The following NEIL3 variants were observed in gnomAD, a reference collection of about 807,000 sequenced individuals.
NEIL3 encodes the protein nei like DNA glycosylase 3.
In NEIL3, 48 loss-of-function variants were observed where a neutral mutation model predicts 57.5. The observed-to-expected ratio is 0.83, with a 90% CI of 0.66 to 1.06. NEIL3 has a LOEUF of 1.06. Ranked by LOEUF, NEIL3 falls within the 50% of genes least tolerant of loss-of-function variation. The probability of loss-of-function intolerance (pLI) is 0.00; values close to 1 mark genes in which losing one functional copy is unlikely to be tolerated. For synonymous variants in NEIL3, 261 were observed against 253.2 expected (o/e 1.03, Z -0.29); for missense variants, 717 against 739.1 (o/e 0.97, Z 0.35).
chr4:177,369,980 C>G, the NEIL3 span, among the ~76,000 whole-genome samples: 1 of 152,150 alleles, frequency 6.6e-6, no homozygotes, highest in Non-Finnish European at 1.5e-5. Flanking sequence ...GAGGAAATAA[C>G]AATGGCGATA....
intron 5 of NEIL3, among the ~76,000 whole-genome samples, chr4:177,340,746 G>A (rs1735074950): frequency 6.6e-6 from 1 of 152,106 alleles, no homozygotes; most frequent in Non-Finnish European, 1.5e-5. Context: ...CATACGTGGT[G>A]AGCCATATTT....
intron 1 of NEIL3, among the ~76,000 whole-genome samples, chr4:177,317,633 TTGC>T (rs1296434122): frequency 7.5e-6 from 1 of 133,206 alleles, no homozygotes; most frequent in East Asian, 2.1e-4. Flanking sequence ...AGATGGAGTC[TTGC>T]TCTGTCACCC....
downstream of NEIL3, among the ~76,000 whole-genome samples, chr4:177,363,670 C>T (rs36071608): frequency 0.01 from 1,552 of 152,238 alleles, 29 homozygotes; most frequent in African/African-American, 0.036. Context: ...GTTAATTACA[C>T]GGAAATGTAA....
rs557688469 is a variant in NEIL3 at position 177,361,164 on chromosome 4, T to G, written c.1635+487T>G. Among the ~76,000 whole-genome samples the G allele has an allele frequency of 9.2e-5, 14 of 152,294 alleles. No individual in the cohort carries two copies. In the South Asian group the frequency reaches 2.9e-3, roughly 32 times the overall value. On this transcript the variant is annotated intron_variant, in intron 9 of 9. Transcript: ENST00000264596. ...TTGACCCAAAAAAGTGATGGCACCATAGCAATTTAGCTATAGGCGATTCCT... is the reference window on the plus strand; with the variant it reads ...TTGACCCAAAAAAGTGATGGCACCAGAGCAATTTAGCTATAGGCGATTCCT...
chr4:177,319,355 G>A (rs1315097541), intron 1 of NEIL3, among the ~76,000 whole-genome samples: 1 of 152,204 alleles, frequency 6.6e-6, no homozygotes, highest in East Asian at 1.9e-4. Flanking sequence ...CCAGTCAGGT[G>A]CACTGAGAAG....
At chr4:177,326,612 G>A (rs1371128468) in intron 2 of NEIL3, among the ~76,000 whole-genome samples, 1 of 150,688 alleles carries the variant, frequency 6.6e-6, no homozygotes, top group Non-Finnish European at 1.5e-5. Flanking sequence ...CATTTTGATT[G>A]GCCTTGTGTT....
intron 9 of NEIL3, 76 bp downstream of exon 9, chr4:177,360,753 C>G (rs1735592672): frequency 6.9e-6 from 8 of 1,160,860 alleles, no homozygotes; most frequent in South Asian, 2.0e-5. Context: ...AATAGCAATA[C>G]TTTCCTAGTT....
chr4:177,335,300 T>G (rs1560913258), intron 2 of NEIL3, among the ~76,000 whole-genome samples: 1 of 152,200 alleles, frequency 6.6e-6, no homozygotes, highest in Non-Finnish European at 1.5e-5. Flanking sequence ...CAACTTAAAC[T>G]TAGCCTTATC....
In NEIL3 at chr4:177,362,641, C is replaced by T. The variant is rs543073172; in HGVS notation, c.*170C>T. The T allele has an allele frequency of 3.5e-4, 180 of 521,152 alleles. 3 individuals are homozygous for T. The South Asian group carries it at 5.3e-3, about 15-fold the overall frequency. 32.3% of individuals were successfully genotyped at this position (521,152 alleles called of 1,614,324 possible). A position where few individuals can be genotyped will look rare whatever the true frequency, so the allele number is the denominator to read the frequency against. ...TGTGCCATCTTTCCATTGTTGGCTA[C>T]GTCTTTTCTTTTGCCTTGATGAACG... is the stretch of plus-strand genomic sequence containing the variant. On this transcript the variant is annotated 3_prime_UTR_variant, in exon 10 of 10. Coordinates refer to ENST00000264596, the MANE Select transcript of NEIL3 (RefSeq NM_018248.3).
Position 177,320,570 on chromosome 4 carries a change from A to C in NEIL3, c.157-1889A>C, listed in dbSNP as rs140935316. 9.0e-4 allele frequency among the ~76,000 whole-genome samples: 123 copies of C among 136,590 alleles called. 1 individual carries two copies. Among genetic ancestry groups the C allele is most frequent in the African/African-American group, 3.1e-3 (110 of 35,528 alleles). The allele number at this position is 136,590 out of a possible 152,430, so 89.6% of individuals were successfully genotyped here. A position where few individuals can be genotyped will look rare whatever the true frequency, so the allele number is the denominator to read the frequency against. On this transcript the variant is annotated intron_variant, in intron 1 of 9. Transcript: ENST00000264596. ...TCGGCTCACTGCAAGCTCCACCTCC[A>C]GGGTTCACGCCATTCTCCTGACTCA...
intron 8 of NEIL3, among the ~76,000 whole-genome samples, chr4:177,355,406 A>G (rs571440208): frequency 1.3e-5 from 2 of 152,320 alleles, no homozygotes; most frequent in South Asian, 4.1e-4. Context: ...CTTTTCATAT[A>G]TTTAACTCAT....
intron 4 of NEIL3, among the ~76,000 whole-genome samples, chr4:177,338,094 T>C (rs953648705): frequency 1.3e-5 from 2 of 152,098 alleles, no homozygotes; most frequent in African/African-American, 4.8e-5. Context: ...ACGTGCACAA[T>C]TACTGAAAAA....
At chr4:177,314,323 A>C (rs1175193606) in intron 1 of NEIL3, among the ~76,000 whole-genome samples, 5 of 152,212 alleles carry the variant, frequency 3.3e-5, no homozygotes, top group Admixed American at 2.0e-4. Context: ...TTTTTATCCA[A>C]GATGAACATA....
intron 2 of NEIL3, among the ~76,000 whole-genome samples, chr4:177,334,607 G>A (rs956427732): frequency 2.6e-5 from 4 of 152,148 alleles, no homozygotes; most frequent in African/African-American, 7.2e-5. Flanking sequence ...GTTAAATTAT[G>A]GAGTACTTAC....
chr4:177,339,330 C>T (rs1019621409), intron 4 of NEIL3, among the ~76,000 whole-genome samples: 13 of 152,218 alleles, frequency 8.5e-5, no homozygotes, highest in African/African-American at 1.2e-4. Context: ...TGATGGTCTG[C>T]GCCTGTAATC....
intron 8 of NEIL3, among the ~76,000 whole-genome samples, chr4:177,359,307 A>G (rs910711945): frequency 8.5e-5 from 13 of 152,342 alleles, no homozygotes; most frequent in African/African-American, 3.1e-4. Context: ...GAAACCTTCA[A>G]AAACTGCCCT....
At chr4:177,353,932 AT>A in intron 8 of NEIL3, 1 of 518,880 alleles carries the variant, frequency 1.9e-6, no homozygotes, top group Admixed American at 3.6e-5. Context: ...GGCCCGACTA[AT>A]TTTTGTATTT....
intron 5 of NEIL3, 97 bp from the exon 6 acceptor site, chr4:177,341,379 A>T: frequency 1.1e-6 from 1 of 925,006 alleles, no homozygotes; most frequent in Non-Finnish European, 1.6e-6. Flanking sequence ...AATTTTTAGC[A>T]GATGATTTTC....
At chr4:177,358,364 A>G (rs1367465271) in intron 8 of NEIL3, among the ~76,000 whole-genome samples, 2 of 151,976 alleles carry the variant, frequency 1.3e-5, no homozygotes, top group Non-Finnish European at 2.9e-5. Context: ...CTGGAGTGCA[A>G]TGGCGCGATC....
Sources: allele counts gnomAD v4.1 joint callset (sites outside exome capture counted in the v4.1 genomes callset), GRCh38; gene constraint gnomAD v4.1.1; transcripts MANE v1.5; gene names NCBI Gene and HGNC (gene_info 2026-07-23, HGNC 2026-07-21).